EPHA6: variants seen among roughly 807,000 people sequenced by gnomAD.
The protein encoded by EPHA6 is EPH receptor A6, also known as ephrin type-A receptor 6.
Under a neutral mutation model 112.0 loss-of-function variants are expected in EPHA6, and 50 were observed. That is an observed-to-expected ratio of 0.45 (90% CI 0.36 to 0.56). EPHA6 has a LOEUF of 0.56. EPHA6 is among the 20% of genes least tolerant of loss of function. EPHA6 has a pLI of 0.00. For missense variants in EPHA6, 1,280 were observed against 1,417.4 expected, an observed-to-expected ratio of 0.90 and a Z score of 1.56; for synonymous variants, 529 against 490.7, an observed-to-expected ratio of 1.08 and a Z score of -1.03.
Position 96,814,946 on chromosome 3 carries a change from G to A in EPHA6, c.323G>A (p.Gly108Asp). 1 of 1,550,702 alleles carries A rather than the reference G, an allele frequency of 6.4e-7. No individual in the cohort carries two copies. ...CEVREFLLQF[G>D]FFLPLLTAWP... ...GTCCGGGAATTTCTTTTGCAATTTGGTTTCTTCTTGCCTCTGCTGACAGCG... is the reference window on the plus strand; with the variant it reads ...GTCCGGGAATTTCTTTTGCAATTTGATTTCTTCTTGCCTCTGCTGACAGCG... Residue 108 changes from glycine to aspartate, a missense_variant, in exon 1 of 18, where the codon GGT becomes GAT. Physicochemically the swap from Gly to Asp is moderately conservative, Grantham distance 94 (BLOSUM62 -1). Transcript: ENST00000389672.
chr3:97,600,217 G>A (rs1216029672), intron 12 of EPHA6, among the ~76,000 whole-genome samples: 5 of 149,490 alleles, frequency 3.3e-5, no homozygotes, highest in African/African-American at 1.2e-4. Context: ...TGCAAACAGG[G>A]ACAATTTGAC....
intron 4 of EPHA6, 79 bp downstream of exon 4, chr3:97,226,498 A>T: frequency 7.6e-7 from 1 of 1,317,458 alleles, no homozygotes; most frequent in Non-Finnish European, 1.0e-6. Context: ...AAAAATAAGT[A>T]AATGTACAAA....
chr3:96,978,136 G>C (rs1186897207), intron 2 of EPHA6, among the ~76,000 whole-genome samples: 2 of 152,026 alleles, frequency 1.3e-5, no homozygotes, highest in African/African-American at 4.8e-5. Flanking sequence ...CTCCAACCTG[G>C]GTAACAGAGT....
chr3:96,818,858 G>A (rs1418370038), intron 1 of EPHA6, among the ~76,000 whole-genome samples: 3 of 151,820 alleles, frequency 2.0e-5, no homozygotes, highest in East Asian at 3.9e-4. Flanking sequence ...ATAGTTGTAA[G>A]GGTTCCAGAG....
At chr3:97,352,009 A>G (rs540910071) in intron 5 of EPHA6, among the ~76,000 whole-genome samples, 26 of 152,302 alleles carry the variant, frequency 1.7e-4, no homozygotes, top group African/African-American at 6.0e-4. Flanking sequence ...AGAAGAAACC[A>G]CATAAAGGAA....
intron 2 of EPHA6, among the ~76,000 whole-genome samples, chr3:96,984,576 A>G (rs539747340): frequency 6.6e-6 from 1 of 152,272 alleles, no homozygotes; most frequent in Non-Finnish European, 1.5e-5. Context: ...GCTCTCTTCA[A>G]AGCTGTCAGA....
intron 6 of EPHA6, among the ~76,000 whole-genome samples, chr3:97,417,973 G>T (rs2088269414): frequency 6.6e-6 from 1 of 151,928 alleles, no homozygotes; most frequent in Non-Finnish European, 1.5e-5. Flanking sequence ...TGAATGAGGA[G>T]AAACGATCTG....
chr3:97,232,887 C>T (rs777032855), intron 4 of EPHA6, among the ~76,000 whole-genome samples: 2 of 152,124 alleles, frequency 1.3e-5, no homozygotes, highest in East Asian at 3.9e-4. Flanking sequence ...GGGCCACATG[C>T]ACAGTATGTT....
intron 6 of EPHA6, among the ~76,000 whole-genome samples, chr3:97,405,709 G>A (rs1000335154): frequency 2.0e-5 from 3 of 151,922 alleles, no homozygotes; most frequent in Non-Finnish European, 2.9e-5. Context: ...GCTATAATTT[G>A]GAAAGTATTA....
chr3:97,662,814 C>T (rs1049691703), intron 14 of EPHA6, among the ~76,000 whole-genome samples: 1 of 152,244 alleles, frequency 6.6e-6, no homozygotes, highest in Admixed American at 6.5e-5. Context: ...GTAGCAGGCA[C>T]TGGCAGTATG....
intron 1 of EPHA6, among the ~76,000 whole-genome samples, chr3:96,831,259 G>A (rs1477617062): frequency 1.3e-5 from 2 of 151,956 alleles, no homozygotes; most frequent in Admixed American, 1.3e-4. Flanking sequence ...TGTTTAAACT[G>A]TGTGCTAAAC....
At chr3:96,870,431 C>G (rs2036569161) in intron 2 of EPHA6, among the ~76,000 whole-genome samples, 1 of 152,056 alleles carries the variant, frequency 6.6e-6, no homozygotes, top group South Asian at 2.1e-4. Context: ...ATCTCCACTT[C>G]AGTGGATTGG....
chr3:97,617,856 A>T (rs1262398912), intron 13 of EPHA6, among the ~76,000 whole-genome samples: 1 of 152,168 alleles, frequency 6.6e-6, no homozygotes, highest in African/African-American at 2.4e-5. Flanking sequence ...CCCACTGTGA[A>T]TATTAGACAG....
intron 4 of EPHA6, among the ~76,000 whole-genome samples, chr3:97,230,055 A>G (rs1326179869): frequency 6.6e-6 from 1 of 152,122 alleles, no homozygotes; most frequent in Non-Finnish European, 1.5e-5. Flanking sequence ...ACAACATACT[A>G]CAGTTTAGGT....
chr3:97,018,988 T>A (rs1198296289), intron 3 of EPHA6, among the ~76,000 whole-genome samples: 1 of 152,198 alleles, frequency 6.6e-6, no homozygotes, highest in Admixed American at 6.5e-5. Flanking sequence ...TGTCTTCTGG[T>A]CACTCCTCAC....
intron 5 of EPHA6, among the ~76,000 whole-genome samples, chr3:97,305,472 G>T (rs965789193): frequency 6.6e-6 from 1 of 151,888 alleles, no homozygotes; most frequent in African/African-American, 2.4e-5. Flanking sequence ...CAACCCAAAT[G>T]CCCATCAATG....
In EPHA6 at chr3:97,438,752, T is replaced by C. The variant is rs772958845; in HGVS notation, c.1732-9816T>C. Among the ~76,000 whole-genome samples the C allele has an allele frequency of 5.1e-4, 77 of 152,154 alleles. 1 individual carries two copies. The highest frequency in any genetic ancestry group is 6.6e-5 in the Admixed American group (1 of 15,262). On this transcript the variant is annotated intron_variant, in intron 6 of 17. Coordinates refer to ENST00000389672, the MANE Select transcript of EPHA6 (RefSeq NM_001080448.3). ...TGCACCACCCATTGATAGTTACTCT[T>C]AAAAGAAAGAAACAATGCTACGTTA...
chr3:97,226,710 T>C (rs2078367551), intron 4 of EPHA6, among the ~76,000 whole-genome samples: 1 of 152,246 alleles, frequency 6.6e-6, no homozygotes, highest in Non-Finnish European at 1.5e-5. Context: ...TAGGAAATTA[T>C]AGCAGTTGAA....
intron 7 of EPHA6, among the ~76,000 whole-genome samples, chr3:97,470,667 C>CTT (rs57650553): frequency 8.6e-5 from 13 of 150,810 alleles, no homozygotes; most frequent in African/African-American, 2.9e-4. Context: ...AAGCATTTCA[C>CTT]TTTTTTTTTC....
Sources: gnomAD v4.1 joint callset for allele counts (sites outside exome capture counted in the v4.1 genomes callset) on GRCh38, gnomAD v4.1.1 for gene constraint, MANE v1.5 for transcripts, NCBI Gene and HGNC (gene_info 2026-07-23, HGNC 2026-07-21) for gene names.